Variants in MACROD2 observed in about 807,000 individuals in gnomAD.
MACROD2 encodes the protein ADP-ribose glycohydrolase MACROD2.
In MACROD2, 36 loss-of-function variants were observed where a neutral mutation model predicts 70.4. That is an observed-to-expected ratio of 0.51 (90% CI 0.39 to 0.68). The LOEUF is 0.68. Ranked by LOEUF, MACROD2 falls within the 30% of genes least tolerant of loss-of-function variation. The probability of loss-of-function intolerance (pLI) is 0.00; values close to 1 mark genes in which losing one functional copy is unlikely to be tolerated. For missense variants in MACROD2, 496 were observed against 538.4 expected, an observed-to-expected ratio of 0.92 and a Z score of 0.78; for synonymous variants, 172 against 178.8, an observed-to-expected ratio of 0.96 and a Z score of 0.30.
intron 5 of MACROD2, among the ~76,000 whole-genome samples, chr20:15,215,971 C>T (rs175268): frequency 0.27 from 41,160 of 151,734 alleles, 5,763 homozygotes; most frequent in Middle Eastern, 0.32. Flanking sequence ...CATATAAACT[C>T]GCCTATTAAG....
chr20:15,194,195 G>T (rs994795288), intron 5 of MACROD2, among the ~76,000 whole-genome samples: 3 of 128,086 alleles, frequency 2.3e-5, no homozygotes, highest in African/African-American at 8.8e-5. Context: ...ACAGTGAGCT[G>T]AGATTGAGCC....
In MACROD2 at chr20:14,253,743, C is replaced by G. The variant is rs557351302; in HGVS notation, c.271+168015C>G. On this transcript the variant is annotated intron_variant, in intron 3 of 17. Transcript: ENST00000684519. ...CTGGATTTGAAATTCTGTGTGTTTT[C>G]TGAGTCAAAGGATGAGTACATCTTT... is the stretch of plus-strand genomic sequence containing the variant. Among the ~76,000 whole-genome samples, 18 of 152,098 alleles carry G rather than the reference C, an allele frequency of 1.2e-4. No individual in the cohort carries two copies. In the East Asian group the frequency reaches 2.7e-3, roughly 23 times the overall value.
chr20:14,745,615 T>C (rs1008444757), intron 5 of MACROD2, among the ~76,000 whole-genome samples: 2 of 152,222 alleles, frequency 1.3e-5, no homozygotes, highest in African/African-American at 4.8e-5. Flanking sequence ...ATTGTACTTA[T>C]TCATTGGGTT....
chr20:15,948,678 T>A (rs2065863377), intron 12 of MACROD2, among the ~76,000 whole-genome samples: 1 of 152,176 alleles, frequency 6.6e-6, no homozygotes, highest in African/African-American at 2.4e-5. Flanking sequence ...TTTAAGGAAG[T>A]ACATGTTTAT....
intron 5 of MACROD2, among the ~76,000 whole-genome samples, chr20:14,869,249 A>G (rs547225375): frequency 6.6e-6 from 1 of 152,204 alleles, no homozygotes; most frequent in East Asian, 1.9e-4. Context: ...TTTGAATGGC[A>G]GTAACAAAAG....
chr20:15,506,493 AT>A (rs1463221909), intron 8 of MACROD2, among the ~76,000 whole-genome samples: 7 of 152,050 alleles, frequency 4.6e-5, no homozygotes, highest in African/African-American at 7.2e-5. Flanking sequence ...TGCCAAGACT[AT>A]TTTTCCCCCT....
intron 5 of MACROD2, among the ~76,000 whole-genome samples, chr20:14,879,797 T>G (rs956250243): frequency 1.3e-5 from 2 of 152,198 alleles, no homozygotes; most frequent in Admixed American, 6.5e-5. Flanking sequence ...AGTAATCTGG[T>G]TCTTTTCATG....
chr20:15,872,902 A>G (rs2064606152), intron 9 of MACROD2, among the ~76,000 whole-genome samples: 1 of 152,182 alleles, frequency 6.6e-6, no homozygotes, highest in African/African-American at 2.4e-5. Context: ...GCTATATGTC[A>G]TTTAACATAA....
chr20:15,637,582 G>GT (rs1364387878), intron 8 of MACROD2, among the ~76,000 whole-genome samples: 3 of 152,198 alleles, frequency 2.0e-5, no homozygotes, highest in African/African-American at 7.2e-5. Context: ...AAATGTTCAA[G>GT]TAGCTGCTCT....
At chr20:14,152,289 C>A (rs1212289441) in intron 3 of MACROD2, among the ~76,000 whole-genome samples, 1 of 152,086 alleles carries the variant, frequency 6.6e-6, no homozygotes, top group African/African-American at 2.4e-5. Flanking sequence ...ATCTATTAAG[C>A]AGAATTTATC....
chr20:14,575,247 T>C (rs1301017786), intron 4 of MACROD2, among the ~76,000 whole-genome samples: 2 of 152,170 alleles, frequency 1.3e-5, no homozygotes, highest in African/African-American at 4.8e-5. Flanking sequence ...TAATGAAAAA[T>C]AACTGTGTTT....
chr20:15,218,665 T>G (rs1296008845), intron 5 of MACROD2, among the ~76,000 whole-genome samples: 1 of 152,218 alleles, frequency 6.6e-6, no homozygotes, highest in Admixed American at 6.5e-5. Flanking sequence ...AGAAGTGCTT[T>G]TCCATTCTCA....
intron 3 of MACROD2, among the ~76,000 whole-genome samples, chr20:14,438,341 A>G (rs2084082671): frequency 6.6e-6 from 1 of 152,156 alleles, no homozygotes; most frequent in South Asian, 2.1e-4. Flanking sequence ...TTGCTCCTAT[A>G]TCTTGGCCAT....
At chr20:15,737,065 AG>A (rs2051032127) in intron 8 of MACROD2, among the ~76,000 whole-genome samples, 1 of 152,206 alleles carries the variant, frequency 6.6e-6, no homozygotes, top group African/African-American at 2.4e-5. Context: ...ACTTAAATAA[AG>A]AATTGATTGG....
chr20:15,106,686 T>A (rs411338), intron 5 of MACROD2, among the ~76,000 whole-genome samples: 1 of 152,000 alleles, frequency 6.6e-6, no homozygotes, highest in Admixed American at 6.6e-5. Context: ...GAGTTTGCAT[T>A]GTTGATATGT....
intron 3 of MACROD2, among the ~76,000 whole-genome samples, chr20:14,336,661 T>G (rs1379269899): frequency 6.6e-6 from 1 of 152,190 alleles, no homozygotes; most frequent in Non-Finnish European, 1.5e-5. Flanking sequence ...GCTTCCAGGG[T>G]GAGCTTTGTT....
At chr20:15,141,468 C>CCT (rs1424189602) in intron 5 of MACROD2, among the ~76,000 whole-genome samples, 1 of 152,154 alleles carries the variant, frequency 6.6e-6, no homozygotes. Context: ...AGTGATCTGG[C>CCT]TCCATAACTG....
At chr20:15,690,830 T>G (rs1039844550) in intron 8 of MACROD2, among the ~76,000 whole-genome samples, 1 of 152,220 alleles carries the variant, frequency 6.6e-6, no homozygotes, top group Non-Finnish European at 1.5e-5. Context: ...GCCTTTGTAG[T>G]AATAACTCAT....
chr20:14,075,330 A>G (rs1346291581), intron 2 of MACROD2, among the ~76,000 whole-genome samples: 1 of 152,214 alleles, frequency 6.6e-6, no homozygotes, highest in Non-Finnish European at 1.5e-5. Flanking sequence ...AAAGACATTA[A>G]ATTTGTGAGT....
Sources: allele counts gnomAD v4.1 joint callset (sites outside exome capture counted in the v4.1 genomes callset), GRCh38; gene constraint gnomAD v4.1.1; transcripts MANE v1.5; gene names NCBI Gene and HGNC (gene_info 2026-07-23, HGNC 2026-07-21).